The following KIF16B variants were observed in gnomAD, a reference collection of about 807,000 sequenced individuals.
KIF16B encodes kinesin-like protein KIF16B.
Under a neutral mutation model 156.3 loss-of-function variants are expected in KIF16B, and 98 were observed. The observed-to-expected ratio is 0.63, with a 90% CI of 0.53 to 0.74. The LOEUF is 0.74. KIF16B is among the 30% of genes least tolerant of loss of function. The probability of loss-of-function intolerance (pLI) is 0.00; values close to 1 mark genes in which losing one functional copy is unlikely to be tolerated. For missense variants in KIF16B, 1,421 were observed against 1,606.5 expected (o/e 0.88, Z 1.97); for synonymous variants, 564 against 583.7 (o/e 0.97, Z 0.49).
At chr20:16,333,972 C>T (rs1158148658) in intron 24 of KIF16B, among the ~76,000 whole-genome samples, 1 of 152,184 alleles carries the variant, frequency 6.6e-6, no homozygotes, top group Non-Finnish European at 1.5e-5. Flanking sequence ...TCTTAAAGTG[C>T]TAGCTATTAT....
chr20:16,290,733 A>G (rs539924911), intron 25 of KIF16B, among the ~76,000 whole-genome samples: 1 of 152,252 alleles, frequency 6.6e-6, no homozygotes, highest in East Asian at 1.9e-4. Flanking sequence ...ACCCCACCCC[A>G]TGAAGAAGAT....
Position 16,526,094 on chromosome 20 carries a change from T to G in KIF16B, c.229A>C (p.Met77Leu). Reference sequence around the variant, plus strand: ...AATATTTTGAAAATATCATATACCATTTCTTGTGAAACGTAATCTGGGCTT... The same window carrying G: ...AATATTTTGAAAATATCATATACCAGTTCTTGTGAAACGTAATCTGGGCTT... Reference protein sequence around the residue: ...TKSPDYVSQEMVFKTLGTDVV... With the variant: ...TKSPDYVSQELVFKTLGTDVV... The change falls in exon 3 of 26, where the codon ATG (methionine) becomes CTG (leucine). Residue 77 changes from methionine (M) to leucine (L), a missense_variant and splice_region_variant. Physicochemically the swap from Met to Leu is conservative, Grantham distance 15. Transcript: ENST00000354981. 2 of 1,537,686 alleles carry G rather than the reference T, an allele frequency of 1.3e-6. No homozygotes were observed. The highest frequency in any genetic ancestry group is 1.8e-6 in the Non-Finnish European group (2 of 1,119,950).
At chr20:16,562,564 T>C (rs1423794537) in intron 1 of KIF16B, among the ~76,000 whole-genome samples, 2 of 152,040 alleles carry the variant, frequency 1.3e-5, no homozygotes, top group African/African-American at 4.8e-5. Context: ...GAGGCATGTG[T>C]GGAGGGTGAG....
chr20:16,327,424 C>T (rs1383887853), intron 24 of KIF16B, among the ~76,000 whole-genome samples: 4 of 151,936 alleles, frequency 2.6e-5, no homozygotes, highest in Non-Finnish European at 4.4e-5. Flanking sequence ...ACCAAACACA[C>T]CTGTTTCCCA....
intron 12 of KIF16B, among the ~76,000 whole-genome samples, chr20:16,479,974 C>T (rs548282439): frequency 1.1e-4 from 17 of 152,286 alleles, no homozygotes; most frequent in African/African-American, 3.9e-4. Flanking sequence ...TCAGGCTAGA[C>T]GTCTCCCTTG....
chr20:16,460,798 A>C (rs2067327844), intron 12 of KIF16B, among the ~76,000 whole-genome samples: 1 of 152,178 alleles, frequency 6.6e-6, no homozygotes, highest in Admixed American at 6.5e-5. Context: ...GAAACACTGA[A>C]AAAAACAGAC....
At chr20:16,462,973 G>A (rs1459726864) in intron 12 of KIF16B, among the ~76,000 whole-genome samples, 1 of 152,196 alleles carries the variant, frequency 6.6e-6, no homozygotes, top group Non-Finnish European at 1.5e-5. Flanking sequence ...TTAGGCTGGA[G>A]TGGCCAGTTT....
intron 22 of KIF16B, among the ~76,000 whole-genome samples, chr20:16,361,043 C>T (rs1352020463): frequency 1.3e-5 from 2 of 152,208 alleles, no homozygotes; most frequent in African/African-American, 2.4e-5. Flanking sequence ...GGACTGCCAT[C>T]TAATCTCCAG....
chr20:16,382,247 T>C (rs1340016965), intron 17 of KIF16B: 2 of 383,102 alleles, frequency 5.2e-6, no homozygotes, highest in Non-Finnish European at 8.8e-6. Flanking sequence ...TAAAAGGCAA[T>C]AGCCATGCAT....
chr20:16,559,348 G>C (rs184925767), intron 1 of KIF16B, among the ~76,000 whole-genome samples: 14 of 152,292 alleles, frequency 9.2e-5, no homozygotes, highest in Admixed American at 9.2e-4. Context: ...AATGGACAGA[G>C]GTATTCTGGA....
At chr20:16,380,724 G>A (rs1038738510) in intron 18 of KIF16B, among the ~76,000 whole-genome samples, 1 of 152,170 alleles carries the variant, frequency 6.6e-6, no homozygotes, top group African/African-American at 2.4e-5. Flanking sequence ...GTTTATTAGT[G>A]CATAACACTG....
intron 11 of KIF16B, among the ~76,000 whole-genome samples, 156 bp from the exon 12 acceptor site, chr20:16,494,506 T>C (rs988068004): frequency 2.6e-5 from 4 of 152,242 alleles, no homozygotes; most frequent in African/African-American, 7.2e-5. Context: ...CAAAGATAAA[T>C]CAAACAAGCT....
intron 6 of KIF16B, among the ~76,000 whole-genome samples, chr20:16,509,106 G>A (rs1209118426): frequency 1.3e-5 from 2 of 152,080 alleles, no homozygotes; most frequent in African/African-American, 4.8e-5. Context: ...ATAAGCATTA[G>A]TTTGTACCCT....
chr20:16,369,249 T>C (rs1017160343), intron 22 of KIF16B: 83 of 985,720 alleles, frequency 8.4e-5, no homozygotes, highest in Non-Finnish European at 9.6e-5. Context: ...GATACCATGC[T>C]GGGCAAAACT....
At chr20:16,389,816 T>C (rs1447751854) in intron 17 of KIF16B, among the ~76,000 whole-genome samples, 2 of 152,182 alleles carry the variant, frequency 1.3e-5, no homozygotes, top group Admixed American at 1.3e-4. Flanking sequence ...AACCCAGCCA[T>C]CCATCAGGTT....
intron 22 of KIF16B, among the ~76,000 whole-genome samples, chr20:16,369,990 T>C (rs1013201720): frequency 6.6e-6 from 1 of 152,184 alleles, no homozygotes; most frequent in African/African-American, 2.4e-5. Context: ...TCTGTGAACA[T>C]CCACCTCTTG....
At chr20:16,534,183 G>C (rs1376427836) in intron 1 of KIF16B, among the ~76,000 whole-genome samples, 1 of 151,886 alleles carries the variant, frequency 6.6e-6, no homozygotes, top group Non-Finnish European at 1.5e-5. Flanking sequence ...TGAGCCCGGG[G>C]GACAGAGGTT....
At chr20:16,443,154 C>T (rs375705083) in intron 12 of KIF16B, among the ~76,000 whole-genome samples, 1 of 152,052 alleles carries the variant, frequency 6.6e-6, no homozygotes, top group African/African-American at 2.4e-5. Context: ...ATAAAACCTG[C>T]TTTTTATGGA....
chr20:16,433,445 ATTCT>A (rs1189894576), intron 12 of KIF16B, among the ~76,000 whole-genome samples: 1 of 152,150 alleles, frequency 6.6e-6, no homozygotes, highest in Non-Finnish European at 1.5e-5. Flanking sequence ...TTCGTTTACT[ATTCT>A]TTCTTTTTTT....
Sources: gnomAD v4.1 joint callset for allele counts (sites outside exome capture counted in the v4.1 genomes callset) on GRCh38, gnomAD v4.1.1 for gene constraint, MANE v1.5 for transcripts, NCBI Gene and HGNC (gene_info 2026-07-23, HGNC 2026-07-21) for gene names.